CATSPER1: variants seen among roughly 807,000 people sequenced by gnomAD.
The protein encoded by CATSPER1 is cation channel sperm associated 1.
CATSPER1 carries 57 observed loss-of-function variants against 72.7 expected under a neutral mutation model. The observed-to-expected ratio is 0.78, with a 90% CI of 0.63 to 0.98. The LOEUF (loss-of-function observed/expected upper bound fraction) is 0.98. Ranked by LOEUF, CATSPER1 falls within the 50% of genes least tolerant of loss-of-function variation. The pLI is 0.00. For synonymous variants in CATSPER1, 363 were observed against 403.0 expected, an observed-to-expected ratio of 0.90 and a Z score of 1.19; for missense variants, 910 against 1,033.9, an observed-to-expected ratio of 0.88 and a Z score of 1.64.
rs1856465781 is a variant in CATSPER1 at position 66,025,042 on chromosome 11, G to C, written c.1216+122C>G. ...ACAGTCAGGAGAGTGAATAGCCAGTGGGGGACCTGTGCAGGAGGGTCGGGC... is the reference window on the plus strand; with the variant it reads ...ACAGTCAGGAGAGTGAATAGCCAGTCGGGGACCTGTGCAGGAGGGTCGGGC... On this transcript the variant is annotated intron_variant, in intron 1 of 11. Transcript: ENST00000312106. The C allele has an allele frequency of 2.6e-6, 3 of 1,163,660 alleles. No individual in the cohort carries two copies. The South Asian group carries it at 3.7e-5, about 14-fold the overall frequency. 72.1% of individuals were successfully genotyped at this position (1,163,660 alleles called of 1,614,324 possible).
chr11:66,024,271 GTTTTTTTT>G (rs796751086), intron 1 of CATSPER1, among the ~76,000 whole-genome samples: 14 of 110,606 alleles, frequency 1.3e-4, no homozygotes, highest in East Asian at 1.2e-3. Context: ...CAGCCTATTT[GTTTTTTTT>G]TTTTTTTTTT....
At position 66,020,586 on chromosome 11, in the gene CATSPER1, T is replaced by C. The variant is rs746297400; in HGVS notation, c.1969A>G (p.Ile657Val). 6.2e-7 allele frequency: 1 copy of C among 1,612,290 alleles called. No homozygotes were observed. Among genetic ancestry groups the C allele is most frequent in the South Asian group, 1.1e-5 (1 of 90,594 alleles). The change falls in exon 7 of 12, where the codon ATC (isoleucine) becomes GTC (valine). Residue 657 changes from isoleucine (I) to valine (V), a missense_variant. Ile to Val is a conservative substitution (Grantham distance 29, BLOSUM62 3). Transcript: ENST00000312106. This position sits in a 1 kb window ranked among gnomAD's most constrained non-coding sequence, Gnocchi z 4.5. ...IIPILVIYII[I>V]QYFIFLNLVI... ...CACTTGAGGAAGATGAAGTACTGGA[T>C]GATGATGTAAATTACGAGGATGGGA...
intron 10 of CATSPER1, 102 bp from the exon 11 acceptor site, chr11:66,017,276 C>T (rs1313851728): frequency 2.6e-6 from 2 of 764,654 alleles, no homozygotes; most frequent in East Asian, 2.7e-5. Flanking sequence ...TGCCTGCCTC[C>T]TCCCCACAAA....
At chr11:66,018,005 T>C (rs12416952) in intron 10 of CATSPER1, among the ~76,000 whole-genome samples, 38,842 of 151,668 alleles carry the variant, frequency 0.26, 5,181 homozygotes, top group Admixed American at 0.36. Context: ...TCCAGACCAG[T>C]CTGGCCAACA....
intron 1 of CATSPER1, among the ~76,000 whole-genome samples, chr11:66,024,905 G>A (rs1009721163): frequency 6.6e-6 from 1 of 152,204 alleles, no homozygotes; most frequent in Non-Finnish European, 1.5e-5. Flanking sequence ...CATTGGATGA[G>A]TATCAATGTT....
At chr11:66,025,066 G>A in intron 1 of CATSPER1, 98 bp downstream of exon 1, 1 of 1,466,140 alleles carries the variant, frequency 6.8e-7, no homozygotes, top group South Asian at 1.1e-5. Context: ...GGAGGGTCGG[G>A]CCTTACGATC....
Position 66,020,039 on chromosome 11 carries a change from T to C in CATSPER1, c.2125+101A>G. On this transcript the variant is annotated intron_variant, in intron 9 of 11. Coordinates refer to ENST00000312106, the MANE Select transcript of CATSPER1 (RefSeq NM_053054.4). This position sits in a 1 kb window ranked among gnomAD's most constrained non-coding sequence, Gnocchi z 4.5. ...GTCTCAAATTCTAAAACTCTAAAAC[T>C]GAGTCTGGAATTCTGTGACTGTGGA... 2.3e-6 allele frequency: 3 copies of C among 1,292,252 alleles called. No individual in the cohort carries two copies. Among genetic ancestry groups the C allele is most frequent in the South Asian group, 2.4e-5 (2 of 81,860 alleles). 80.0% of individuals were successfully genotyped at this position (1,292,252 alleles called of 1,614,324 possible). A position where few individuals can be genotyped will look rare whatever the true frequency, so the allele number is the denominator to read the frequency against.
In CATSPER1 at chr11:66,021,137, C is replaced by A. The variant is rs1407960499; in HGVS notation, c.1740G>T (p.Leu580Phe). ...GGATGAGGATGGCTGCGATGGACGG[C>A]AAGGACTGGCCCAGGGTCCCTGTCA... ...QEVTGTLGQS[L>F]PSIAAILILM... is the part of the protein sequence containing the mutation. Residue 580 changes from leucine (L) to phenylalanine (F), a missense_variant, in exon 5 of 12, where the codon TTG becomes TTT. Coordinates refer to ENST00000312106, the MANE Select transcript of CATSPER1 (RefSeq NM_053054.4). 4 of 1,613,362 alleles carry A rather than the reference C, an allele frequency of 2.5e-6. No homozygotes were observed. Among genetic ancestry groups the A allele is most frequent in the Non-Finnish European group, 8.5e-7 (1 of 1,179,838 alleles).
chr11:66,025,744 G>A lies in CATSPER1; in HGVS notation c.636C>T (p.Val212=), dbSNP rs888297008. 6.2e-7 allele frequency: 1 copy of A among 1,613,962 alleles called. No individual in the cohort carries two copies. Among genetic ancestry groups the A allele is most frequent in the East Asian group, 2.2e-5 (1 of 44,862 alleles). The change falls in exon 1 of 12, where the codon GTC becomes GTT. Residue 212 remains valine (V), a synonymous_variant. Transcript: ENST00000312106. ...GATGGTGGGGCCAGCCACGGTGGGGGACTTGGTGATGCTGGGACTCATCGT... is the reference window on the plus strand; with the variant it reads ...GATGGTGGGGCCAGCCACGGTGGGGAACTTGGTGATGCTGGGACTCATCGT... ...LQHDESQHHQ[V]PHRGWPHHHQ... is the part of the protein sequence containing the mutation.
At chr11:66,019,227 A>AC (rs1177639752) in intron 9 of CATSPER1, among the ~76,000 whole-genome samples, 1 of 147,778 alleles carries the variant, frequency 6.8e-6, no homozygotes, top group Non-Finnish European at 1.5e-5. Context: ...AGTTAGCCCC[A>AC]CCCCCCAGCT....
intron 1 of CATSPER1, among the ~76,000 whole-genome samples, chr11:66,024,880 C>A (rs2134998625): frequency 6.6e-6 from 1 of 152,316 alleles, no homozygotes; most frequent in Admixed American, 6.5e-5. Flanking sequence ...ATGGCCCAGG[C>A]AGGCCACACA....
At chr11:66,022,526 C>T (rs575720974) in intron 2 of CATSPER1, among the ~76,000 whole-genome samples, 1 of 152,374 alleles carries the variant, frequency 6.6e-6, no homozygotes, top group African/African-American at 2.4e-5. Flanking sequence ...CCCTCCAGGG[C>T]CTTCTCGGGC....
rs1264688499 is a variant in CATSPER1 at position 66,020,986 on chromosome 11, G to A, written c.1784-32C>T. The A allele has an allele frequency of 5.0e-6, 8 of 1,613,484 alleles. No individual in the cohort carries two copies. The highest frequency in any genetic ancestry group is 6.8e-6 in the Non-Finnish European group (8 of 1,180,030). On this transcript the variant is annotated intron_variant, in intron 5 of 11. Transcript: ENST00000312106. The surrounding 1 kb of genome is among the most constrained non-coding windows in gnomAD (Gnocchi z 4.5). ...GTTCAGGGCCAAACTCAGCTCTCCA[G>A]TGCTATCCCCACCCCAGCGCCCCTC...
Position 66,020,174 on chromosome 11 carries a change from C to A in CATSPER1, c.2091G>T (p.Leu697=). 1 of 1,613,534 alleles carries A rather than the reference C, an allele frequency of 6.2e-7. No individual in the cohort carries two copies. Among genetic ancestry groups the A allele is most frequent in the South Asian group, 1.1e-5 (1 of 91,090 alleles). ...QERAARIQEK[L]LEDSLTELRA... is the part of the protein sequence containing the mutation. ...TGAGCTCCGTCAGTGAGTCTTCCAG[C>A]AGCTTCTCTTGGATCCGGGCGGCCC... Residue 697 remains leucine, a synonymous_variant, in exon 9 of 12, where the codon CTG becomes CTT. Coordinates refer to ENST00000312106, the MANE Select transcript of CATSPER1 (RefSeq NM_053054.4). The surrounding 1 kb of genome is among the most constrained non-coding windows in gnomAD (Gnocchi z 4.5).
chr11:66,017,186 C>CA lies in CATSPER1; in HGVS notation c.2202-13_2202-12insT. ...GGAGCTCCTGCTGCCTGCGGGTGGGCGGGGGGGTCGCAGAGACAGGGGCTG... is the reference window on the plus strand; with the variant it reads ...GGAGCTCCTGCTGCCTGCGGGTGGGCAGGGGGGGTCGCAGAGACAGGGGCTG... On this transcript the variant is annotated splice_polypyrimidine_tract_variant and intron_variant, in intron 10 of 11. Coordinates refer to ENST00000312106, the MANE Select transcript of CATSPER1 (RefSeq NM_053054.4). The CA allele has an allele frequency of 3.9e-6, 1 of 258,968 alleles. No individual in the cohort carries two copies. Among genetic ancestry groups the CA allele is most frequent in the Non-Finnish European group, 7.1e-6 (1 of 141,230 alleles). The allele number at this position is 258,968 out of a possible 1,614,324, so 16.0% of individuals were successfully genotyped here.
In CATSPER1 at chr11:66,020,989, C is replaced by T. The variant is rs1193539910; in HGVS notation, c.1784-35G>A. On this transcript the variant is annotated intron_variant, in intron 5 of 11. Transcript: ENST00000312106. The surrounding 1 kb of genome is among the most constrained non-coding windows in gnomAD (Gnocchi z 4.5). Reference sequence around the variant, plus strand: ...CAGGGCCAAACTCAGCTCTCCAGTGCTATCCCCACCCCAGCGCCCCTCGTC... The same window carrying T: ...CAGGGCCAAACTCAGCTCTCCAGTGTTATCCCCACCCCAGCGCCCCTCGTC... The T allele has an allele frequency of 3.7e-6, 6 of 1,613,402 alleles. No homozygotes were observed. In the African/African-American group the frequency reaches 4.0e-5, roughly 11 times the overall value.
At chr11:66,016,958 CTT>C (rs1856250378) in intron 11 of CATSPER1, 42 bp from the exon 12 acceptor site, 1 of 1,613,930 alleles carries the variant, frequency 6.2e-7, no homozygotes, top group Non-Finnish European at 8.5e-7. Context: ...ATGAGCCAGA[CTT>C]TGCCTTCCCC....
At position 66,020,190 on chromosome 11, in the gene CATSPER1, C is replaced by T. The variant is rs369647718; in HGVS notation, c.2075G>A (p.Arg692Gln). 34 of 1,613,628 alleles carry T rather than the reference C, an allele frequency of 2.1e-5. No individual in the cohort carries two copies. Among genetic ancestry groups the T allele is most frequent in the African/African-American group, 2.7e-5 (2 of 74,892 alleles). The change falls in exon 9 of 12, where the codon CGG (arginine) becomes CAG (glutamine). Residue 692 changes from arginine (R) to glutamine (Q), a missense_variant. Coordinates refer to ENST00000312106, the MANE Select transcript of CATSPER1 (RefSeq NM_053054.4). The surrounding 1 kb of genome is among the most constrained non-coding windows in gnomAD (Gnocchi z 4.5). ...GTCTTCCAGCAGCTTCTCTTGGATC[C>T]GGGCGGCCCTCTGGGAAGAAGAGGC... Reference protein sequence around the residue: ...LEKAKQERAARIQEKLLEDSL... With the variant: ...LEKAKQERAAQIQEKLLEDSL...
In CATSPER1 at chr11:66,020,540, A is replaced by G. The variant is rs1300053221; in HGVS notation, c.1991+24T>C. Reference sequence around the variant, plus strand: ...GGAGGAAGTGTGGGTGGTGCTGGGCAGCAGAGCAGGGGTGAGTCCTCACTT... The same window carrying G: ...GGAGGAAGTGTGGGTGGTGCTGGGCGGCAGAGCAGGGGTGAGTCCTCACTT... On this transcript the variant is annotated intron_variant, in intron 7 of 11. Coordinates refer to ENST00000312106, the MANE Select transcript of CATSPER1 (RefSeq NM_053054.4). The surrounding 1 kb of genome is among the most constrained non-coding windows in gnomAD (Gnocchi z 4.5). 6.2e-6 allele frequency: 10 copies of G among 1,606,746 alleles called. No homozygotes were observed. Among genetic ancestry groups the G allele is most frequent in the Non-Finnish European group, 8.5e-6 (10 of 1,174,374 alleles).
Sources: allele counts gnomAD v4.1 joint callset (sites outside exome capture counted in the v4.1 genomes callset), GRCh38; gene constraint gnomAD v4.1.1; non-coding constraint Gnocchi (gnomAD v3.1); transcripts MANE v1.5; gene names NCBI Gene and HGNC (gene_info 2026-07-23, HGNC 2026-07-21).